The following LONP1 variants were observed in gnomAD, a reference collection of about 807,000 sequenced individuals.
LONP1 encodes lon peptidase 1, mitochondrial, also known as lon protease homolog, mitochondrial.
A neutral mutation model predicts 98.5 loss-of-function variants in LONP1; 31 were observed. The observed-to-expected ratio is 0.31, with a 90% confidence interval of 0.24 to 0.42. The LOEUF (loss-of-function observed/expected upper bound fraction) is 0.42, where lower values mean the gene tolerates loss of function less well. LONP1 is among the 20% of genes least tolerant of loss of function. The probability of loss-of-function intolerance (pLI) is 1.00; values close to 1 mark genes in which losing one functional copy is unlikely to be tolerated. For missense variants in LONP1, 1,336 were observed against 1,350.6 expected (o/e 0.99, Z 0.17); for synonymous variants, 781 against 594.7 (o/e 1.31, Z -4.56).
intron 5 of LONP1, 43 bp from the exon 6 acceptor site, chr19:5,707,869 C>T: frequency 3.7e-6 from 6 of 1,607,250 alleles, no homozygotes; most frequent in Non-Finnish European, 5.1e-6. Flanking sequence ...GGGCCTCACG[C>T]TCTGCTGCAG....
intron 4 of LONP1, among the ~76,000 whole-genome samples, chr19:5,711,136 G>A (rs961159046): frequency 9.9e-5 from 15 of 152,132 alleles, no homozygotes; most frequent in Middle Eastern, 3.2e-3. Flanking sequence ...CCCTGCCAGC[G>A]CCCACAGCAG....
Position 5,712,539 on chromosome 19 carries a change from C to T in LONP1, c.639-537G>A, listed in dbSNP as rs376403280. On this transcript the variant is annotated intron_variant, in intron 3 of 17. Coordinates refer to ENST00000360614, the MANE Select transcript of LONP1 (RefSeq NM_004793.4). ...GAACTCAGGGTCTCGCTCTGTTGCC[C>T]AGGCTGGAGTGCAGTGGTGTGATCA... is the stretch of plus-strand genomic sequence containing the variant. The T allele has an allele frequency of 2.4e-4, 42 of 175,824 alleles. No homozygotes were observed. In the East Asian group the frequency reaches 5.2e-3, roughly 22 times the overall value. 10.9% of individuals were successfully genotyped at this position (175,824 alleles called of 1,614,324 possible).
rs1334836792 is a variant in LONP1, at chr19:5,705,996, T to C, written c.1147-4A>G. ...TCTGCTTGATCTTCTCCTCCACCTG[T>C]GGGGTGAGGTGCTGCCATCAGGCCC... On this transcript the variant is annotated splice_region_variant and splice_polypyrimidine_tract_variant and intron_variant, in intron 7 of 17. Coordinates refer to ENST00000360614, the MANE Select transcript of LONP1 (RefSeq NM_004793.4). 6.4e-7 allele frequency: 1 copy of C among 1,564,576 alleles called. No homozygotes were observed. Among genetic ancestry groups the C allele is most frequent in the Non-Finnish European group, 8.7e-7 (1 of 1,151,774 alleles).
At chr19:5,706,480 G>A (rs772490671) in intron 7 of LONP1, among the ~76,000 whole-genome samples, 3 of 152,084 alleles carry the variant, frequency 2.0e-5, no homozygotes, top group African/African-American at 4.8e-5. Context: ...GGTATTGCAC[G>A]CCTGTAATCC....
In LONP1 at chr19:5,700,650, G is replaced by A. The variant is rs1017048500; in HGVS notation, c.1506+139C>T. 1.7e-4 allele frequency: 202 copies of A among 1,211,312 alleles called. 1 individual carries two copies. The highest frequency in any genetic ancestry group is 5.2e-5 in the East Asian group (2 of 38,474). 75.0% of individuals were successfully genotyped at this position (1,211,312 alleles called of 1,614,324 possible). A position where few individuals can be genotyped will look rare whatever the true frequency, so the allele number is the denominator to read the frequency against. On this transcript the variant is annotated intron_variant, in intron 9 of 17. Transcript: ENST00000360614. ...GGGGGCAGGGCAGGATGCTACCTCC[G>A]CCGGGATCCCCCCGACCAGCACCCC...
intron 6 of LONP1, 58 bp from the exon 7 acceptor site, chr19:5,707,201 G>A: frequency 7.0e-7 from 1 of 1,438,096 alleles, no homozygotes; most frequent in Non-Finnish European, 9.7e-7. Flanking sequence ...TGTGTGTAGG[G>A]CCGAGGTTGG....
At position 5,720,052 on chromosome 19, in the gene LONP1, G is replaced by A. The variant is rs773247975; in HGVS notation, c.81C>T (p.Ala27=). The change falls in exon 1 of 18, where the codon GCC becomes GCT. Residue 27 remains alanine (A), a synonymous_variant. Transcript: ENST00000360614. ...WVLRRPMLAA[A]GGRVPTAAGA... is the part of the protein sequence containing the mutation. ...CTGCTGCAGTGGGAACCCGCCCCCC[G>A]GCGGCGGCCAGCATCGGCCGCCGCA... 3.9e-6 allele frequency: 6 copies of A among 1,537,410 alleles called. No individual in the cohort carries two copies. Among genetic ancestry groups the A allele is most frequent in the Non-Finnish European group, 5.2e-6 (6 of 1,146,266 alleles).
At chr19:5,704,886 C>A (rs1005273790) in intron 8 of LONP1, among the ~76,000 whole-genome samples, 6 of 152,216 alleles carry the variant, frequency 3.9e-5, no homozygotes, top group African/African-American at 1.2e-4. Flanking sequence ...TTAGGCCAGG[C>A]GTGGTGGCTC....
Position 5,705,948 on chromosome 19 carries a change from C to T in LONP1, c.1191G>A (p.Gln397=), listed in dbSNP as rs762424473. ...IKQTHRKYLL[Q]EQLKIIKKEL... ...CCTTCTTGATGATCTTTAGCTGCTCCTGCAGCAGGTACTTACGGTGGGTCT... is the reference window on the plus strand; with the variant it reads ...CCTTCTTGATGATCTTTAGCTGCTCTTGCAGCAGGTACTTACGGTGGGTCT... The change falls in exon 8 of 18, where the codon CAG becomes CAA. Residue 397 remains glutamine, a synonymous_variant. Transcript: ENST00000360614. 8 of 1,613,872 alleles carry T rather than the reference C, an allele frequency of 5.0e-6. No homozygotes were observed. In the South Asian group the frequency reaches 8.8e-5, roughly 18 times the overall value.
intron 4 of LONP1, among the ~76,000 whole-genome samples, chr19:5,711,041 A>G (rs935588737): frequency 6.6e-6 from 1 of 151,750 alleles, no homozygotes; most frequent in African/African-American, 2.4e-5. Context: ...AAAGAAAGAA[A>G]AAAAAAAACC....
intron 9 of LONP1, among the ~76,000 whole-genome samples, chr19:5,699,564 T>G (rs950453358): frequency 5.4e-5 from 8 of 149,324 alleles, no homozygotes; most frequent in Non-Finnish European, 1.2e-4. Flanking sequence ...TGTTTTTTTT[T>G]TTTTTTTTTT....
At chr19:5,698,535 G>A (rs139337236) in intron 10 of LONP1, among the ~76,000 whole-genome samples, 176 of 152,332 alleles carry the variant, frequency 1.2e-3, no homozygotes, top group Non-Finnish European at 1.5e-3. Context: ...TGGCCGGGAC[G>A]AGTGAGCCCA....
intron 8 of LONP1, among the ~76,000 whole-genome samples, chr19:5,705,255 G>A (rs2055125304): frequency 6.6e-6 from 1 of 151,864 alleles, no homozygotes; most frequent in African/African-American, 2.4e-5. Context: ...TCAGGAGTTC[G>A]AGACCAGCCT....
chr19:5,716,271 T>C lies in LONP1; in HGVS notation c.430-2000A>G, dbSNP rs1189174432. Among the ~76,000 whole-genome samples, 18 of 65,318 alleles carry C rather than the reference T, an allele frequency of 2.8e-4. 1 individual carries two copies. Among genetic ancestry groups the C allele is most frequent in the African/African-American group, 1.0e-3 (16 of 15,846 alleles). 42.9% of individuals were successfully genotyped at this position (65,318 alleles called of 152,430 possible). ...AAGTTAAAATATACATATATATATATATATATATATATATATATATATATA... is the reference window on the plus strand; with the variant it reads ...AAGTTAAAATATACATATATATATACATATATATATATATATATATATATA... On this transcript the variant is annotated intron_variant, in intron 1 of 17. Transcript: ENST00000360614.
Position 5,699,046 on chromosome 19 carries a change from C to T in LONP1, c.1666G>A (p.Ala556Thr). ...RFSVGGMTDV[A>T]EIKGHRRTYV... ...GCCTACCTGTGGCCCTTGATCTCAG[C>T]CACGTCAGTCATGCCCCCGACGCTG... is the stretch of plus-strand genomic sequence containing the variant. The change falls in exon 10 of 18, where the codon GCT becomes ACT. Residue 556 changes from alanine to threonine, a missense_variant. Physicochemically the swap from Ala to Thr is moderately conservative, Grantham distance 58. This residue lies in a region of LONP1 where 219 missense variants were observed against 241.0 expected (regional missense o/e 0.91). Coordinates refer to ENST00000360614, the MANE Select transcript of LONP1 (RefSeq NM_004793.4). 1 of 1,608,058 alleles carries T rather than the reference C, an allele frequency of 6.2e-7. No homozygotes were observed. The highest frequency in any genetic ancestry group is 1.7e-5 in the Admixed American group (1 of 59,712).
chr19:5,695,044 A>C, intron 13 of LONP1, 143 bp from the exon 14 acceptor site: 1 of 970,398 alleles, frequency 1.0e-6, no homozygotes, highest in Non-Finnish European at 1.5e-6. Context: ...GGGCCTGGAC[A>C]CCCCGCCCTG....
intron 9 of LONP1, 118 bp downstream of exon 9, chr19:5,700,657 TCCCCCCGACCAGCA>T: frequency 7.9e-7 from 1 of 1,262,802 alleles, no homozygotes; most frequent in Non-Finnish European, 1.1e-6. Context: ...TCCGCCGGGA[TCCCCCCGACCAGCA>T]CCCCCAGGCC....
intron 1 of LONP1, among the ~76,000 whole-genome samples, chr19:5,719,347 G>A (rs2055385143): frequency 1.3e-5 from 2 of 152,196 alleles, no homozygotes; most frequent in African/African-American, 2.4e-5. Context: ...CAGAGCGCCT[G>A]GGGCGAGGAG....
Position 5,700,935 on chromosome 19 carries a change from G to A in LONP1, c.1368-8C>T, listed in dbSNP as rs755796330. 1 of 1,614,098 alleles carries A rather than the reference G, an allele frequency of 6.2e-7. No individual in the cohort carries two copies. Among genetic ancestry groups the A allele is most frequent in the South Asian group, 1.1e-5 (1 of 91,078 alleles). On this transcript the variant is annotated splice_region_variant and splice_polypyrimidine_tract_variant and intron_variant, in intron 8 of 17. Transcript: ENST00000360614. ...AGGTAGTTGCGGGTGACACTGCCAG[G>A]GGACAGATGGAGAGATGCTGAGTGG...
Sources: gnomAD v4.1 joint callset for allele counts (sites outside exome capture counted in the v4.1 genomes callset) on GRCh38, gnomAD v4.1.1 for gene constraint, gnomAD v4.1.1 regional missense constraint, MANE v1.5 for transcripts, NCBI Gene and HGNC (gene_info 2026-07-23, HGNC 2026-07-21) for gene names.